Variants in DRD3 observed in about 807,000 individuals in gnomAD.
DRD3 encodes the protein D(3) dopamine receptor.
Under a neutral mutation model 36.3 loss-of-function variants are expected in DRD3, and 19 were observed. The ratio of observed to expected loss-of-function variants is 0.52; its 90% CI spans 0.36 to 0.77. The LOEUF is 0.77. Ranked by LOEUF, DRD3 falls within the 30% of genes least tolerant of loss-of-function variation. The probability of loss-of-function intolerance (pLI) is 0.00; values close to 1 mark genes in which losing one functional copy is unlikely to be tolerated. For missense variants in DRD3, 465 were observed against 505.3 expected, an observed-to-expected ratio of 0.92 and a Z score of 0.77; for synonymous variants, 195 against 203.7, an observed-to-expected ratio of 0.96 and a Z score of 0.36.
chr3:114,143,034 T>C (rs1048496060), intron 4 of DRD3, among the ~76,000 whole-genome samples: 4 of 152,222 alleles, frequency 2.6e-5, no homozygotes, highest in African/African-American at 9.6e-5. Flanking sequence ...GCAGCAGTTC[T>C]GAAACCTTCT....
chr3:114,141,149 A>G (rs1040732734), intron 4 of DRD3, among the ~76,000 whole-genome samples: 1 of 152,206 alleles, frequency 6.6e-6, no homozygotes, highest in African/African-American at 2.4e-5. Context: ...CTCCTGCCTC[A>G]GCCTCCCAAG....
At chr3:114,130,274 A>G (rs1577576355) in intron 6 of DRD3, among the ~76,000 whole-genome samples, 1 of 152,206 alleles carries the variant, frequency 6.6e-6, no homozygotes, top group East Asian at 1.9e-4. Flanking sequence ...AACAAAAAAC[A>G]AAAAATCTTG....
intron 2 of DRD3, among the ~76,000 whole-genome samples, chr3:114,170,257 G>A (rs1194083368): frequency 6.6e-6 from 1 of 152,124 alleles, no homozygotes; most frequent in Admixed American, 6.5e-5. Flanking sequence ...AGAGGCAGAT[G>A]GTATTAGCAG....
chr3:114,169,270 T>C (rs1263640612), intron 2 of DRD3, among the ~76,000 whole-genome samples: 8 of 151,082 alleles, frequency 5.3e-5, no homozygotes, highest in African/African-American at 9.7e-5. Context: ...AAGTATAGAC[T>C]GATGTAAGAT....
intron 1 of DRD3, among the ~76,000 whole-genome samples, chr3:114,189,192 C>G (rs1167899402): frequency 6.6e-6 from 1 of 152,098 alleles, no homozygotes; most frequent in Non-Finnish European, 1.5e-5. Context: ...TTTAATCCAG[C>G]CTATATCGTT....
chr3:114,151,520 T>G (rs993509378), intron 3 of DRD3, among the ~76,000 whole-genome samples: 9 of 152,344 alleles, frequency 5.9e-5, no homozygotes, highest in Admixed American at 5.9e-4. Context: ...CTTTAATAAC[T>G]GATGCAAAAA....
intron 4 of DRD3, among the ~76,000 whole-genome samples, chr3:114,142,635 A>G (rs938908033): frequency 5.9e-5 from 9 of 152,176 alleles, no homozygotes; most frequent in Non-Finnish European, 1.2e-4. Flanking sequence ...GGGAGAATGT[A>G]GTAATCTGGG....
chr3:114,139,565 G>A lies in DRD3; in HGVS notation c.658C>T (p.Arg220Trp), dbSNP rs200875766. ...RIYVVLKQRR[R>W]KRILTRQNSQ... is the part of the protein sequence containing the mutation. ...TTCTGTCGAGTGAGGATCCTTTTCC[G>A]TCTCCTTTGTTTCAGCACCACATAG... The change falls in exon 5 of 7, where the codon CGG becomes TGG. Residue 220 changes from arginine to tryptophan, a missense_variant. Coordinates refer to ENST00000383673, the MANE Select transcript of DRD3 (RefSeq NM_000796.6). 1.7e-5 allele frequency: 27 copies of A among 1,613,966 alleles called. No individual in the cohort carries two copies. Among genetic ancestry groups the A allele is most frequent in the Admixed American group, 1.5e-4 (9 of 60,000 alleles).
At chr3:114,196,145 TCC>T (rs1387682442) in intron 1 of DRD3, among the ~76,000 whole-genome samples, 1 of 152,212 alleles carries the variant, frequency 6.6e-6, no homozygotes, top group Non-Finnish European at 1.5e-5. Context: ...CCTAGTAATT[TCC>T]TATTCATGTT....
chr3:114,179,764 G>T (rs940091560), upstream of DRD3, among the ~76,000 whole-genome samples: 5 of 152,152 alleles, frequency 3.3e-5, no homozygotes, highest in African/African-American at 1.2e-4. Context: ...GGCAACTGCG[G>T]TGCAGTTATA....
At chr3:114,156,732 TCTTTCTTTCTTTTTCTTTC>T (rs1243909322) in intron 3 of DRD3, among the ~76,000 whole-genome samples, 1 of 9,680 alleles carries the variant, frequency 1.0e-4, no homozygotes, top group Non-Finnish European at 4.6e-4. Flanking sequence ...TTTCTTTCTT[TCTTTCTTTCTTTTTCTTTC>T]TTTCTTTCTT....
At chr3:114,166,725 G>A (rs2077788897) in intron 2 of DRD3, among the ~76,000 whole-genome samples, 1 of 152,196 alleles carries the variant, frequency 6.6e-6, no homozygotes, top group Non-Finnish European at 1.5e-5. Context: ...AAGTTTAGGT[G>A]CATAAGAAGT....
chr3:114,141,677 C>T (rs1157211066), intron 4 of DRD3, among the ~76,000 whole-genome samples: 1 of 152,112 alleles, frequency 6.6e-6, no homozygotes, highest in Non-Finnish European at 1.5e-5. Context: ...CTCCTAAATT[C>T]TCTGGTTCTC....
chr3:114,170,823 G>T (rs938957442), intron 2 of DRD3, among the ~76,000 whole-genome samples: 1 of 151,902 alleles, frequency 6.6e-6, no homozygotes, highest in Non-Finnish European at 1.5e-5. Flanking sequence ...TCCTTCATTG[G>T]ATACCTCTTT....
chr3:114,144,069 C>G (rs913923267), intron 4 of DRD3, among the ~76,000 whole-genome samples: 2 of 152,360 alleles, frequency 1.3e-5, no homozygotes, highest in Admixed American at 1.3e-4. Context: ...TTTGCCTAGA[C>G]TGCTGGGCCT....
chr3:114,196,654 C>G (rs1197261938), intron 1 of DRD3, among the ~76,000 whole-genome samples: 3 of 152,206 alleles, frequency 2.0e-5, no homozygotes, highest in Non-Finnish European at 4.4e-5. Context: ...TATGGCCAGT[C>G]ATTTAAATTT....
intron 4 of DRD3, among the ~76,000 whole-genome samples, chr3:114,146,248 T>C (rs1390686000): frequency 2.6e-5 from 4 of 152,194 alleles, no homozygotes; most frequent in African/African-American, 7.2e-5. Context: ...ACATATATAC[T>C]AGACATTTAC....
At chr3:114,151,238 G>A (rs1030149821) in intron 3 of DRD3, among the ~76,000 whole-genome samples, 1 of 152,148 alleles carries the variant, frequency 6.6e-6, no homozygotes, top group Non-Finnish European at 1.5e-5. Context: ...GTAACTATGA[G>A]GCACCTTGGA....
upstream of DRD3, among the ~76,000 whole-genome samples, chr3:114,183,730 G>A (rs947938075): frequency 2.0e-5 from 3 of 151,404 alleles, no homozygotes; most frequent in African/African-American, 4.9e-5. Context: ...TCTGATATTT[G>A]TCTAGCCATT....
Sources: allele counts gnomAD v4.1 joint callset (sites outside exome capture counted in the v4.1 genomes callset), GRCh38; gene constraint gnomAD v4.1.1; transcripts MANE v1.5; gene names NCBI Gene and HGNC (gene_info 2026-07-23, HGNC 2026-07-21).